Variants in NFAT5 observed in about 807,000 individuals in gnomAD.
NFAT5 encodes the protein nuclear factor of activated T cells 5.
Under a neutral mutation model 166.5 loss-of-function variants are expected in NFAT5, and 31 were observed. The observed-to-expected ratio is 0.19, with a 90% confidence interval of 0.14 to 0.25. The LOEUF is 0.25. Among genes scored for constraint, NFAT5 ranks in the 10% least tolerant of loss-of-function variants. The pLI, the probability that NFAT5 is intolerant of heterozygous loss-of-function variation, is 1.00. For missense variants in NFAT5, 1,449 were observed against 1,821.8 expected, an observed-to-expected ratio of 0.80 and a Z score of 3.72; for synonymous variants, 612 against 639.7, an observed-to-expected ratio of 0.96 and a Z score of 0.65.
intron 3 of NFAT5, among the ~76,000 whole-genome samples, chr16:69,630,206 A>G (rs990547051): frequency 6.6e-6 from 1 of 151,922 alleles, no homozygotes; most frequent in Non-Finnish European, 1.5e-5. Context: ...TGTTTTTTGT[A>G]GAGACAGGGT....
At chr16:69,625,666 C>A (rs2034422755) in intron 2 of NFAT5, among the ~76,000 whole-genome samples, 1 of 151,888 alleles carries the variant, frequency 6.6e-6, no homozygotes, top group East Asian at 1.9e-4. Flanking sequence ...AAGAGCAGGA[C>A]TATACTAATT....
chr16:69,572,357 A>G lies in NFAT5; in HGVS notation c.127+3809A>G, dbSNP rs551406433. Among the ~76,000 whole-genome samples the G allele has an allele frequency of 2.6e-5, 4 of 152,362 alleles. No individual in the cohort carries two copies. In the South Asian group the frequency reaches 8.3e-4, roughly 32 times the overall value. On this transcript the variant is annotated intron_variant, in intron 2 of 14. Coordinates refer to ENST00000349945, the MANE Select transcript of NFAT5 (RefSeq NM_138713.4). ...TATATTCAAAGTAACTTGTGTTACA[A>G]AAATCCTGAACAAAAGTATACATCA...
At chr16:69,631,537 T>C (rs1008370075) in intron 3 of NFAT5, among the ~76,000 whole-genome samples, 1 of 152,240 alleles carries the variant, frequency 6.6e-6, no homozygotes, top group Non-Finnish European at 1.5e-5. Context: ...CATAGCTTCA[T>C]AATATTCATA....
intron 2 of NFAT5, among the ~76,000 whole-genome samples, chr16:69,576,754 G>C (rs779771064): frequency 3.3e-5 from 5 of 152,130 alleles, no homozygotes; most frequent in Non-Finnish European, 7.3e-5. Flanking sequence ...CCAGCTACTT[G>C]GGAGGCAGGC....
At chr16:69,601,404 G>C (rs2033125592) in intron 2 of NFAT5, among the ~76,000 whole-genome samples, 1 of 152,148 alleles carries the variant, frequency 6.6e-6, no homozygotes, top group African/African-American at 2.4e-5. Flanking sequence ...GTCTCTCTCT[G>C]TTGCCCAGGC....
chr16:69,603,333 C>T (rs962233763), intron 2 of NFAT5, among the ~76,000 whole-genome samples: 2 of 152,082 alleles, frequency 1.3e-5, no homozygotes, highest in African/African-American at 4.8e-5. Context: ...TGTAGTAGAA[C>T]ATTATAACTG....
chr16:69,646,422 T>G, intron 3 of NFAT5: 1 of 444,816 alleles, frequency 2.2e-6, no homozygotes, highest in Non-Finnish European at 3.6e-6. Flanking sequence ...ATTCAGTTGA[T>G]TATATATTTT....
chr16:69,667,257 G>T (rs1449878103), intron 7 of NFAT5, among the ~76,000 whole-genome samples: 2 of 151,114 alleles, frequency 1.3e-5, no homozygotes, highest in African/African-American at 2.4e-5. Context: ...CACCAGCATG[G>T]CACATGTATA....
chr16:69,587,549 G>A (rs990538021), intron 2 of NFAT5, among the ~76,000 whole-genome samples: 2 of 150,314 alleles, frequency 1.3e-5, no homozygotes, highest in East Asian at 2.0e-4. Context: ...CCACTATGCC[G>A]GGCTAATTTT....
At chr16:69,694,302 G>A in intron 13 of NFAT5, 63 bp downstream of exon 13, 1 of 1,303,146 alleles carries the variant, frequency 7.7e-7, no homozygotes, top group Non-Finnish European at 1.1e-6. Context: ...GAAGCAGAGT[G>A]CAGTGGTGCG....
chr16:69,639,304 A>G (rs1237149836), intron 3 of NFAT5, among the ~76,000 whole-genome samples: 2 of 152,204 alleles, frequency 1.3e-5, no homozygotes, highest in African/African-American at 4.8e-5. Context: ...CAAAAAATAC[A>G]TTTAAAACAT....
At chr16:69,694,311 C>G (rs776629307) in intron 13 of NFAT5, 72 bp downstream of exon 13, 3 of 1,185,032 alleles carry the variant, frequency 2.5e-6, no homozygotes, top group Admixed American at 2.4e-5. Flanking sequence ...TGCAGTGGTG[C>G]GATCTCAGCT....
chr16:69,693,399 T>C lies in NFAT5; in HGVS notation c.3574T>C (p.Ser1192Pro), dbSNP rs937802712. ...PNSISPLQST[S>P]NSEQQAAFQQ... is the part of the protein sequence containing the mutation. ...CTCAATTTCTCCACTTCAGTCAACA[T>C]CAAACAGTGAACAACAAGCTGCTTT... Residue 1192 changes from serine (S) to proline (P), a missense_variant, in exon 13 of 15, where the codon TCA (serine) becomes CCA (proline). Ser to Pro is a moderately conservative substitution (Grantham distance 74, BLOSUM62 -1). This residue lies in a region of NFAT5 where 891 missense variants were observed against 993.0 expected (regional missense o/e 0.90). Coordinates refer to ENST00000349945, the MANE Select transcript of NFAT5 (RefSeq NM_138713.4). 7.4e-6 allele frequency: 12 copies of C among 1,614,060 alleles called. No homozygotes were observed. Among genetic ancestry groups the C allele is most frequent in the Middle Eastern group, 1.6e-4 (1 of 6,084 alleles).
chr16:69,614,862 T>C (rs2033865629), intron 2 of NFAT5, among the ~76,000 whole-genome samples: 3 of 142,472 alleles, frequency 2.1e-5, no homozygotes, highest in East Asian at 2.1e-4. Context: ...CCTGGACTTT[T>C]ATGGTTTTCT....
rs1295296354 is a variant in NFAT5 at position 69,647,941 on chromosome 16, G to A, written c.812+355G>A. 6.6e-6 allele frequency among the ~76,000 whole-genome samples: 1 copy of A among 152,026 alleles called. No homozygotes were observed. Among genetic ancestry groups the A allele is most frequent in the African/African-American group, 2.4e-5 (1 of 41,382 alleles). ...AATCCCAGCACTTTGGGAGGCCGAG[G>A]CGGGCGGATCACCTGAGGTCAGGAG... On this transcript the variant is annotated intron_variant, in intron 4 of 14. Transcript: ENST00000349945. The surrounding 1 kb of genome is among the most constrained non-coding windows in gnomAD (Gnocchi z 4.8).
chr16:69,647,651 C>G lies in NFAT5; in HGVS notation c.812+65C>G. 1.4e-6 allele frequency: 2 copies of G among 1,411,620 alleles called. No homozygotes were observed. The highest frequency in any genetic ancestry group is 1.9e-6 in the Non-Finnish European group (2 of 1,057,328). 87.4% of individuals were successfully genotyped at this position (1,411,620 alleles called of 1,614,324 possible). A position where few individuals can be genotyped will look rare whatever the true frequency, so the allele number is the denominator to read the frequency against. On this transcript the variant is annotated intron_variant, in intron 4 of 14. Transcript: ENST00000349945. This position sits in a 1 kb window ranked among gnomAD's most constrained non-coding sequence, Gnocchi z 4.8. ...CAAAACAAACAAACAAAAAAAATTC[C>G]CAATTTTTCCTAATTGCTGAGCTCA... is the stretch of plus-strand genomic sequence containing the variant.
Position 69,693,173 on chromosome 16 carries a change from T to A in NFAT5, c.3348T>A (p.Pro1116=). Residue 1116 remains proline, a synonymous_variant, in exon 13 of 15, where the codon CCT becomes CCA. Transcript: ENST00000349945. ...TQGSLFHSPN[P]IVHSQTSTTS... Reference sequence around the variant, plus strand: ...GTTCTCTCTTTCATAGTCCAAATCCTATTGTCCACAGTCAGACTTCTACAA... The same window carrying A: ...GTTCTCTCTTTCATAGTCCAAATCCAATTGTCCACAGTCAGACTTCTACAA... 1 of 1,614,110 alleles carries A rather than the reference T, an allele frequency of 6.2e-7. No individual in the cohort carries two copies. The highest frequency in any genetic ancestry group is 8.5e-7 in the Non-Finnish European group (1 of 1,179,992).
chr16:69,659,919 G>T lies in NFAT5; in HGVS notation c.1369+20G>T, dbSNP rs762831189. ...TGTGTAGTAAGTAAGAAGATACGGA[G>T]ATACTAAACATATGGAGTTTCTTTC... On this transcript the variant is annotated intron_variant, in intron 7 of 14. Transcript: ENST00000349945. 7 of 1,554,622 alleles carry T rather than the reference G, an allele frequency of 4.5e-6. No individual in the cohort carries two copies.
intron 2 of NFAT5, among the ~76,000 whole-genome samples, chr16:69,620,812 T>A (rs2034163386): frequency 6.6e-6 from 1 of 152,242 alleles, no homozygotes; most frequent in Non-Finnish European, 1.5e-5. Flanking sequence ...TTTGGGCAGA[T>A]ATTCCAGTCT....
Sources: allele counts gnomAD v4.1 joint callset (sites outside exome capture counted in the v4.1 genomes callset), GRCh38; gene constraint gnomAD v4.1.1; regional missense constraint gnomAD v4.1.1; non-coding constraint Gnocchi (gnomAD v3.1); transcripts MANE v1.5; gene names NCBI Gene and HGNC (gene_info 2026-07-23, HGNC 2026-07-21).